The following CAMKMT variants were observed in gnomAD, a reference collection of about 807,000 sequenced individuals.
CAMKMT encodes calmodulin-lysine N-methyltransferase, also known as CaM KMT.
CAMKMT carries 53 observed loss-of-function variants against 48.0 expected under a neutral mutation model. The ratio of observed to expected loss-of-function variants is 1.10; its 90% CI spans 0.89 to 1.39. CAMKMT has a LOEUF of 1.39. CAMKMT is among the 40% of genes most tolerant of loss of function. The pLI, the probability that CAMKMT is intolerant of heterozygous loss-of-function variation, is 0.00. For missense variants in CAMKMT, 428 were observed against 402.7 expected, an observed-to-expected ratio of 1.06 and a Z score of -0.54; for synonymous variants, 165 against 152.3, an observed-to-expected ratio of 1.08 and a Z score of -0.61.
At chr2:44,637,610 A>G (rs532884892) in intron 3 of CAMKMT, among the ~76,000 whole-genome samples, 8 of 152,202 alleles carry the variant, frequency 5.3e-5, no homozygotes, top group Middle Eastern at 3.4e-3. Context: ...GGGCTACCCA[A>G]TGGCTTCTCT....
In CAMKMT at chr2:44,666,693, C is replaced by A. The variant is rs562806414; in HGVS notation, c.377-37590C>A. Among the ~76,000 whole-genome samples, 268 of 151,492 alleles carry A rather than the reference C, an allele frequency of 1.8e-3. 2 individuals are homozygous for A. The highest frequency in any genetic ancestry group is 6.3e-3 in the African/African-American group (258 of 40,998). ...GTGGCACAGTCTCGGCTCACTGAGC[C>A]TCCGCCTCCTGGGTTCAAGGGATTC... On this transcript the variant is annotated intron_variant, in intron 3 of 10. Coordinates refer to ENST00000378494, the MANE Select transcript of CAMKMT (RefSeq NM_024766.5).
At chr2:44,749,747 G>A (rs1302965484) in intron 8 of CAMKMT, among the ~76,000 whole-genome samples, 1 of 152,156 alleles carries the variant, frequency 6.6e-6, no homozygotes, top group Admixed American at 6.5e-5. Context: ...CCTGAACCAA[G>A]TTCCTCCCTT....
chr2:44,447,954 A>T lies in CAMKMT; in HGVS notation c.376+57649A>T, dbSNP rs528699827. 4.6e-5 allele frequency among the ~76,000 whole-genome samples: 7 copies of T among 152,144 alleles called. No individual in the cohort carries two copies. The East Asian group carries it at 9.6e-4, about 21-fold the overall frequency. ...AATGTATTCTTATAAAATGCATTCT[A>T]TTGTTTGGGATATGTATTTTAAATT... On this transcript the variant is annotated intron_variant, in intron 3 of 10. Transcript: ENST00000378494.
At chr2:44,484,747 G>A (rs991241632) in intron 3 of CAMKMT, among the ~76,000 whole-genome samples, 12 of 151,116 alleles carry the variant, frequency 7.9e-5, no homozygotes, top group African/African-American at 2.9e-4. Context: ...TTATAATTAG[G>A]AATTTCTGTT....
intron 1 of CAMKMT, among the ~76,000 whole-genome samples, chr2:44,372,506 CTG>C: frequency 6.6e-6 from 1 of 151,452 alleles, no homozygotes; most frequent in Admixed American, 6.6e-5. Context: ...TAAATCTTCA[CTG>C]TCTTTGCTCT....
At chr2:44,708,944 CA>C (rs1336117556) in intron 6 of CAMKMT, among the ~76,000 whole-genome samples, 1 of 151,832 alleles carries the variant, frequency 6.6e-6, no homozygotes, top group Non-Finnish European at 1.5e-5. Flanking sequence ...CGTCAGAAAC[CA>C]ATTAGAACTT....
chr2:44,494,774 G>C (rs977327481), intron 3 of CAMKMT, among the ~76,000 whole-genome samples: 3 of 152,144 alleles, frequency 2.0e-5, no homozygotes, highest in African/African-American at 7.2e-5. Flanking sequence ...ATTATTATTA[G>C]TAAATTAGAA....
chr2:44,586,718 A>T (rs1669877678), intron 3 of CAMKMT, among the ~76,000 whole-genome samples: 1 of 152,134 alleles, frequency 6.6e-6, no homozygotes, highest in South Asian at 2.1e-4. Context: ...CCATTGATGG[A>T]CATTTGGGTT....
intron 3 of CAMKMT, among the ~76,000 whole-genome samples, chr2:44,468,187 A>G (rs1668229505): frequency 6.6e-6 from 1 of 152,230 alleles, no homozygotes; most frequent in Non-Finnish European, 1.5e-5. Flanking sequence ...AAATGAGGCT[A>G]TAATCTGAAT....
At position 44,433,095 on chromosome 2, in the gene CAMKMT, T is replaced by C. The variant is rs1321669062; in HGVS notation, c.376+42790T>C. Among the ~76,000 whole-genome samples the C allele has an allele frequency of 2.0e-5, 3 of 152,294 alleles. 1 individual carries two copies. The highest frequency in any genetic ancestry group is 4.1e-4 in the South Asian group (2 of 4,832). On this transcript the variant is annotated intron_variant, in intron 3 of 10. Transcript: ENST00000378494. ...TTTGAACACCCAGCTCATTTTCTTG[T>C]GTAGTTATGTTACATTAGAGCTGGT...
intron 3 of CAMKMT, among the ~76,000 whole-genome samples, chr2:44,483,529 A>G (rs1477409906): frequency 6.6e-6 from 1 of 152,100 alleles, no homozygotes; most frequent in Non-Finnish European, 1.5e-5. Context: ...GCATAACCCA[A>G]ACTGGTATCC....
intron 8 of CAMKMT, among the ~76,000 whole-genome samples, chr2:44,751,503 ATT>A (rs1165664123): frequency 6.6e-6 from 1 of 152,206 alleles, no homozygotes; most frequent in Non-Finnish European, 1.5e-5. Flanking sequence ...TGATGTGAGG[ATT>A]AAATGAGCTA....
intron 3 of CAMKMT, among the ~76,000 whole-genome samples, chr2:44,679,916 G>A (rs1393724059): frequency 6.6e-6 from 1 of 152,180 alleles, no homozygotes; most frequent in Non-Finnish European, 1.5e-5. Flanking sequence ...ATTTTTGAAG[G>A]AATGTCAAGC....
At chr2:44,607,971 C>T (rs936952823) in intron 3 of CAMKMT, among the ~76,000 whole-genome samples, 2 of 151,908 alleles carry the variant, frequency 1.3e-5, no homozygotes, top group African/African-American at 4.8e-5. Context: ...ACCCTTCTCC[C>T]ACCACTAGAT....
intron 3 of CAMKMT, among the ~76,000 whole-genome samples, chr2:44,607,849 A>G (rs1407009199): frequency 6.6e-6 from 1 of 152,004 alleles, no homozygotes; most frequent in Non-Finnish European, 1.5e-5. Flanking sequence ...TTTATTATGA[A>G]ATGTAAACGA....
intron 3 of CAMKMT, among the ~76,000 whole-genome samples, chr2:44,473,005 C>G (rs919849332): frequency 2.4e-4 from 37 of 152,270 alleles, no homozygotes; most frequent in African/African-American, 8.2e-4. Flanking sequence ...GATAGTGAAG[C>G]AGCTGTCTTC....
intron 3 of CAMKMT, among the ~76,000 whole-genome samples, chr2:44,656,403 T>C (rs112097971): frequency 0.021 from 3,189 of 152,248 alleles, 87 homozygotes; most frequent in African/African-American, 0.067. Context: ...TCTGAAAGTA[T>C]GTTTAGAAGG....
chr2:44,767,292 C>T (rs187848703), intron 10 of CAMKMT, among the ~76,000 whole-genome samples: 6 of 152,280 alleles, frequency 3.9e-5, no homozygotes, highest in South Asian at 2.1e-4. Context: ...TTGTGCCTTA[C>T]GGAAATCTCC....
chr2:44,412,944 C>T (rs567441424), intron 3 of CAMKMT, among the ~76,000 whole-genome samples: 314 of 151,670 alleles, frequency 2.1e-3, no homozygotes, highest in Non-Finnish European at 3.9e-3. Context: ...GGTGTGGTGG[C>T]GTGCGCCTGT....
Sources: allele counts gnomAD v4.1 joint callset (sites outside exome capture counted in the v4.1 genomes callset), GRCh38; gene constraint gnomAD v4.1.1; transcripts MANE v1.5; gene names NCBI Gene and HGNC (gene_info 2026-07-23, HGNC 2026-07-21).